ZFHX3: variants seen among roughly 807,000 people sequenced by gnomAD.
ZFHX3 encodes the protein zinc finger homeobox protein 3.
ZFHX3 carries 42 observed loss-of-function variants against 279.1 expected under a neutral mutation model. The ratio of observed to expected loss-of-function variants is 0.15; its 90% CI spans 0.12 to 0.19. The LOEUF (loss-of-function observed/expected upper bound fraction) is 0.19. Among genes scored for constraint, ZFHX3 ranks in the 10% least tolerant of loss-of-function variants. The pLI, the probability that ZFHX3 is intolerant of heterozygous loss-of-function variation, is 1.00. For synonymous variants in ZFHX3, 2,293 were observed against 1,957.8 expected (o/e 1.17, Z -4.52); for missense variants, 4,981 against 4,754.0 (o/e 1.05, Z -1.40).
At chr16:73,379,500 T>C (rs2143364021) in intron 3 of ZFHX3, among the ~76,000 whole-genome samples, 1 of 152,314 alleles carries the variant, frequency 6.6e-6, no homozygotes, top group South Asian at 2.1e-4. Context: ...TACCTAACTC[T>C]CTTCACCCAC....
chr16:73,204,744 G>A (rs1476028468), intron 5 of ZFHX3, among the ~76,000 whole-genome samples: 3 of 152,166 alleles, frequency 2.0e-5, no homozygotes, highest in Admixed American at 1.3e-4. Context: ...ACAGCAAAGA[G>A]CATAAATAGC....
intron 4 of ZFHX3, among the ~76,000 whole-genome samples, chr16:73,284,179 C>T (rs770929511): frequency 6.8e-4 from 103 of 151,156 alleles, no homozygotes; most frequent in Admixed American, 2.2e-3. Flanking sequence ...TAGCTGGGCA[C>T]GGGGGCAGGC....
At chr16:72,876,757 A>G (rs1265662532) in intron 4 of ZFHX3, among the ~76,000 whole-genome samples, 2 of 152,194 alleles carry the variant, frequency 1.3e-5, no homozygotes, top group Non-Finnish European at 2.9e-5. Context: ...CCCCCTAAAG[A>G]AACAAACAGA....
At chr16:72,933,311 T>C (rs186448836) in intron 3 of ZFHX3, among the ~76,000 whole-genome samples, 81 of 152,246 alleles carry the variant, frequency 5.3e-4, no homozygotes, top group Middle Eastern at 3.4e-3. Flanking sequence ...TCATCATTAC[T>C]ACTCTCCCAG....
intron 2 of ZFHX3, among the ~76,000 whole-genome samples, chr16:73,615,424 C>G (rs762182146): frequency 6.6e-6 from 1 of 152,198 alleles, no homozygotes; most frequent in African/African-American, 2.4e-5. Context: ...ATAAACCAGT[C>G]CTTTGCAACT....
chr16:73,410,692 T>C (rs994170077), intron 3 of ZFHX3, among the ~76,000 whole-genome samples: 1 of 152,252 alleles, frequency 6.6e-6, no homozygotes, highest in African/African-American at 2.4e-5. Flanking sequence ...TCTGAAAGGA[T>C]GACATCCAGT....
chr16:72,942,931 G>A (rs1383281392), intron 3 of ZFHX3, among the ~76,000 whole-genome samples: 3 of 152,186 alleles, frequency 2.0e-5, no homozygotes, highest in East Asian at 1.9e-4. Context: ...AGAGGAAGGC[G>A]TTTGGTCCAC....
At chr16:73,464,571 T>C (rs1189676639) in intron 2 of ZFHX3, among the ~76,000 whole-genome samples, 1 of 130,524 alleles carries the variant, frequency 7.7e-6, no homozygotes, top group African/African-American at 3.0e-5. Context: ...TGAAAACCAA[T>C]TTGTTCATAA....
chr16:72,933,197 G>A (rs1266805199), intron 3 of ZFHX3, among the ~76,000 whole-genome samples: 2 of 152,152 alleles, frequency 1.3e-5, no homozygotes, highest in African/African-American at 4.8e-5. Flanking sequence ...GCAGTAGCTT[G>A]AGCGCTCTTA....
intron 2 of ZFHX3, among the ~76,000 whole-genome samples, chr16:73,593,424 A>C (rs1265835993): frequency 6.6e-6 from 1 of 152,212 alleles, no homozygotes; most frequent in African/African-American, 2.4e-5. Context: ...ACATGTCATA[A>C]CCAAACAGGT....
chr16:73,206,968 A>C (rs2011829749), intron 5 of ZFHX3, among the ~76,000 whole-genome samples: 1 of 151,980 alleles, frequency 6.6e-6, no homozygotes, highest in South Asian at 2.1e-4. Context: ...CAGTGAGCTG[A>C]GATCACGCCA....
At chr16:73,593,299 C>A (rs180802196) in intron 2 of ZFHX3, among the ~76,000 whole-genome samples, 28 of 152,000 alleles carry the variant, frequency 1.8e-4, no homozygotes, top group African/African-American at 6.3e-4. Context: ...GGATGTCAAA[C>A]CCTGACAAGT....
exon 5 of ZFHX3, chr16:73,257,068 G>A (rs2013680778): frequency 6.6e-6 from 1 of 152,198 alleles, no homozygotes; most frequent in African/African-American, 2.4e-5. Flanking sequence ...CGAGGGTGAA[G>A]ATGAAGATAG....
At chr16:73,764,373 T>C (rs1047621805) in intron 1 of ZFHX3, among the ~76,000 whole-genome samples, 1 of 152,104 alleles carries the variant, frequency 6.6e-6, no homozygotes, top group Non-Finnish European at 1.5e-5. Context: ...ATAAATTTGC[T>C]CTTGGAGAGA....
intron 1 of ZFHX3, among the ~76,000 whole-genome samples, chr16:73,839,847 G>A (rs1040140722): frequency 1.3e-5 from 2 of 152,098 alleles, no homozygotes; most frequent in African/African-American, 2.4e-5. Flanking sequence ...CCTATCCCTG[G>A]GGACTATGGT....
At chr16:72,990,267 G>T (rs1211638032) in intron 1 of ZFHX3, among the ~76,000 whole-genome samples, 1 of 152,180 alleles carries the variant, frequency 6.6e-6, no homozygotes, top group East Asian at 1.9e-4. Context: ...ACGACACGGC[G>T]TTCTCCCAGG....
At chr16:73,404,724 C>A (rs2017325464) in intron 3 of ZFHX3, among the ~76,000 whole-genome samples, 1 of 152,192 alleles carries the variant, frequency 6.6e-6, no homozygotes, top group African/African-American at 2.4e-5. Flanking sequence ...CACCAAGTCT[C>A]TGAGTTCAGG....
chr16:73,279,227 G>C (rs1487941524), intron 4 of ZFHX3, among the ~76,000 whole-genome samples: 1 of 151,924 alleles, frequency 6.6e-6, no homozygotes, highest in African/African-American at 2.4e-5. Context: ...TCCCTCCAAG[G>C]AGTTTTCAGA....
At chr16:73,847,786 G>T (rs962336357) in intron 1 of ZFHX3, among the ~76,000 whole-genome samples, 4 of 151,990 alleles carry the variant, frequency 2.6e-5, no homozygotes, top group Non-Finnish European at 5.9e-5. Flanking sequence ...TGCCCAGGGT[G>T]GAGTACAGTG....
Sources: gnomAD v4.1 joint callset for allele counts (sites outside exome capture counted in the v4.1 genomes callset) on GRCh38, gnomAD v4.1.1 for gene constraint, MANE v1.5 for transcripts, NCBI Gene and HGNC (gene_info 2026-07-23, HGNC 2026-07-21) for gene names.